HERC4: variants seen among roughly 807,000 people sequenced by gnomAD.
HERC4 encodes HECT and RLD domain containing E3 ubiquitin protein ligase 4.
In HERC4, 28 loss-of-function variants were observed where a neutral mutation model predicts 124.3. That is an observed-to-expected ratio of 0.23 (90% CI 0.17 to 0.31). HERC4 has a LOEUF of 0.31. Ranked by LOEUF, HERC4 falls within the 10% of genes least tolerant of loss-of-function variation. The probability of loss-of-function intolerance (pLI) is 1.00; values close to 1 mark genes in which losing one functional copy is unlikely to be tolerated. For synonymous variants in HERC4, 407 were observed against 421.5 expected, an observed-to-expected ratio of 0.97 and a Z score of 0.42; for missense variants, 713 against 1,229.3, an observed-to-expected ratio of 0.58 and a Z score of 6.28.
intron 3 of HERC4, among the ~76,000 whole-genome samples, chr10:68,052,240 T>A (rs2040352566): frequency 6.6e-6 from 1 of 152,334 alleles, no homozygotes; most frequent in South Asian, 2.1e-4. Flanking sequence ...ACATCTCTAA[T>A]AGGTCCTTGT....
rs554505432 is a variant in HERC4 at position 68,051,179 on chromosome 10, G to T, written c.227-6616C>A. On this transcript the variant is annotated intron_variant, in intron 3 of 24. Coordinates refer to ENST00000373700, the MANE Select transcript of HERC4 (RefSeq NM_015601.4). ...CTATTGAATCCTTTGATAAATAAGG[G>T]CTACAAAATGTTGAAATTACAAATG... 3.3e-5 allele frequency among the ~76,000 whole-genome samples: 5 copies of T among 151,480 alleles called. No individual in the cohort carries two copies. The South Asian group carries it at 8.3e-4, about 25-fold the overall frequency.
chr10:67,952,655 T>C (rs2033876575), intron 19 of HERC4, among the ~76,000 whole-genome samples: 1 of 151,728 alleles, frequency 6.6e-6, no homozygotes, highest in South Asian at 2.1e-4. Context: ...TCCCAGCACT[T>C]TGGAAGGCCA....
chr10:68,021,367 T>C (rs557816012), intron 8 of HERC4, among the ~76,000 whole-genome samples: 9 of 152,320 alleles, frequency 5.9e-5, no homozygotes, highest in Admixed American at 2.6e-4. Flanking sequence ...AATTAACAGA[T>C]TGAAGGAGGA....
At chr10:68,030,973 T>C (rs1338152222) in intron 7 of HERC4, among the ~76,000 whole-genome samples, 1 of 152,200 alleles carries the variant, frequency 6.6e-6, no homozygotes. Flanking sequence ...TCTTAATCTA[T>C]TTACTATTTC....
At position 67,936,081 on chromosome 10, in the gene HERC4, C is replaced by T. The variant is rs762087163; in HGVS notation, c.2654+72G>A. The T allele has an allele frequency of 4.4e-4, 424 of 955,166 alleles. 1 individual carries two copies. The highest frequency in any genetic ancestry group is 4.7e-4 in the Non-Finnish European group (296 of 635,714). 59.2% of individuals were successfully genotyped at this position (955,166 alleles called of 1,614,324 possible). A position where few individuals can be genotyped will look rare whatever the true frequency, so the allele number is the denominator to read the frequency against. On this transcript the variant is annotated intron_variant, in intron 22 of 24. Transcript: ENST00000373700. ...GGAGTAAAAGCTTAGGGTTGTGACA[C>T]GTTTTCTACGTACAGAAGAAAATGT...
chr10:67,990,528 G>A (rs895621784), intron 13 of HERC4, 128 bp from the exon 14 acceptor site: 13 of 519,130 alleles, frequency 2.5e-5, no homozygotes, highest in African/African-American at 1.2e-4. Context: ...AATATGAAAT[G>A]GTGAAGAAGA....
intron 5 of HERC4, among the ~76,000 whole-genome samples, chr10:68,037,682 A>G (rs1394984288): frequency 1.3e-5 from 2 of 152,242 alleles, no homozygotes; most frequent in Non-Finnish European, 2.9e-5. Flanking sequence ...TAAACAAAAA[A>G]TGACACCATT....
chr10:67,967,685 T>G (rs2034971105), intron 15 of HERC4, among the ~76,000 whole-genome samples: 1 of 152,188 alleles, frequency 6.6e-6, no homozygotes, highest in African/African-American at 2.4e-5. Flanking sequence ...ATTATGTTCT[T>G]GGTGATATAG....
chr10:67,939,697 G>T, intron 20 of HERC4, 43 bp from the exon 21 acceptor site: 2 of 1,194,124 alleles, frequency 1.7e-6, no homozygotes, highest in Non-Finnish European at 2.4e-6. Flanking sequence ...AAAATTATTG[G>T]ATATTTTGAC....
At chr10:67,959,133 C>G in intron 16 of HERC4, 4 of 1,594,974 alleles carry the variant, frequency 2.5e-6, no homozygotes, top group Non-Finnish European at 3.4e-6. Flanking sequence ...CCATGGTTGA[C>G]ATCCTAAGAC....
At chr10:67,988,956 T>C (rs2132736929) in intron 14 of HERC4, 121 bp from the exon 15 acceptor site, 1 of 716,936 alleles carries the variant, frequency 1.4e-6, no homozygotes, top group East Asian at 2.6e-5. Flanking sequence ...CCCAGAAAGA[T>C]GCATATAACA....
chr10:68,037,426 C>T (rs1437065669), intron 5 of HERC4, among the ~76,000 whole-genome samples: 1 of 152,116 alleles, frequency 6.6e-6, no homozygotes. Context: ...AAAAAACATA[C>T]ATATGGCAGA....
chr10:67,931,738 T>C (rs1471428063), intron 23 of HERC4, among the ~76,000 whole-genome samples: 8 of 152,030 alleles, frequency 5.3e-5, no homozygotes, highest in Admixed American at 4.6e-4. Flanking sequence ...TTAGGGCTTC[T>C]ATCTAGCTGT....
At chr10:67,963,138 T>C (rs1393575434) in intron 16 of HERC4, among the ~76,000 whole-genome samples, 2 of 152,238 alleles carry the variant, frequency 1.3e-5, no homozygotes, top group African/African-American at 4.8e-5. Flanking sequence ...TACATATTTA[T>C]GTTGTGAGTT....
At chr10:68,055,755 CTT>C (rs201966338) in intron 3 of HERC4, among the ~76,000 whole-genome samples, 15 of 143,016 alleles carry the variant, frequency 1.0e-4, no homozygotes, top group Non-Finnish European at 7.7e-5. Flanking sequence ...TTACAATATC[CTT>C]TTTTTTTTTT....
rs867437739 is a variant in HERC4 at position 68,059,622 on chromosome 10, T to A, written c.226+13261A>T. On this transcript the variant is annotated intron_variant, in intron 3 of 24. Coordinates refer to ENST00000373700, the MANE Select transcript of HERC4 (RefSeq NM_015601.4). ...TATCATAATATTATATATCATAATATTATATATCATAATATTATATATTAT... is the reference window on the plus strand; with the variant it reads ...TATCATAATATTATATATCATAATAATATATATCATAATATTATATATTAT... Among the ~76,000 whole-genome samples, 8 of 93,758 alleles carry A rather than the reference T, an allele frequency of 8.5e-5. 2 individuals carry two copies. Among genetic ancestry groups the A allele is most frequent in the African/African-American group, 3.5e-4 (7 of 19,984 alleles). The allele number at this position is 93,758 out of a possible 152,430, so 61.5% of individuals were successfully genotyped here. A position where few individuals can be genotyped will look rare whatever the true frequency, so the allele number is the denominator to read the frequency against.
At chr10:68,039,152 C>CAAAA (rs5785843) in intron 4 of HERC4, among the ~76,000 whole-genome samples, 1 of 115,274 alleles carries the variant, frequency 8.7e-6, no homozygotes, top group Non-Finnish European at 2.0e-5. Flanking sequence ...ACTGAAAATA[C>CAAAA]AAAAAAAAAA....
chr10:68,038,008 G>A (rs541816193), intron 5 of HERC4, 85 bp downstream of exon 5: 4 of 742,182 alleles, frequency 5.4e-6, no homozygotes, highest in East Asian at 5.8e-5. Flanking sequence ...GCAGAAAGAT[G>A]AGCAAAGCTG....
intron 16 of HERC4, chr10:67,965,580 A>G (rs612131): frequency 0.97 from 147,332 of 152,292 alleles, 71,454 homozygotes; most frequent in East Asian, 1. Context: ...CTGATTCCGG[A>G]AGGTGGGAGT....
Sources: gnomAD v4.1 joint callset for allele counts (sites outside exome capture counted in the v4.1 genomes callset) on GRCh38, gnomAD v4.1.1 for gene constraint, MANE v1.5 for transcripts, NCBI Gene and HGNC (gene_info 2026-07-23, HGNC 2026-07-21) for gene names.